The following CREBBP variants were observed in gnomAD, a reference collection of about 807,000 sequenced individuals.
CREBBP encodes the protein CREB-binding protein.
In CREBBP, 19 loss-of-function variants were observed where a neutral mutation model predicts 265.0. The observed-to-expected ratio is 0.07, with a 90% CI of 0.05 to 0.11. The LOEUF is 0.11. Among genes scored for constraint, CREBBP ranks in the 10% least tolerant of loss-of-function variants. The pLI is 1.00. For synonymous variants in CREBBP, 1,457 were observed against 1,223.7 expected (o/e 1.19, Z -3.98); for missense variants, 2,525 against 3,219.0 (o/e 0.78, Z 5.22).
chr16:3,785,328 C>T (rs1316533865), intron 5 of CREBBP, among the ~76,000 whole-genome samples: 1 of 152,234 alleles, frequency 6.6e-6, no homozygotes, highest in Non-Finnish European at 1.5e-5. Context: ...TCAGTGAGTA[C>T]ACTCTGCCAG....
chr16:3,808,207 T>C (rs1319623571), intron 3 of CREBBP, among the ~76,000 whole-genome samples: 1 of 152,060 alleles, frequency 6.6e-6, no homozygotes, highest in Non-Finnish European at 1.5e-5. Flanking sequence ...GAAGTGGTTC[T>C]ACTTTTGTCA....
At chr16:3,740,333 G>C (rs780222520) in intron 24 of CREBBP, 66 bp downstream of exon 24, 6 of 1,592,884 alleles carry the variant, frequency 3.8e-6, no homozygotes, top group Admixed American at 1.7e-5. Context: ...GCTTTGCAGA[G>C]AGCAGGCTCT....
In CREBBP at chr16:3,849,440, T is replaced by TGTGTGTGTGTG. The variant is rs2054762093; in HGVS notation, c.798+846_798+856dup. Reference sequence around the variant, plus strand: ...GTGTGTGTGTGTGTGTGTGTGTGTGTGTGTGTGTGTGTGTGTGTGTGTGTG... The same window carrying TGTGTGTGTGTG: ...GTGTGTGTGTGTGTGTGTGTGTGTGTGTGTGTGTGTGGTGTGTGTGTGTGTGTGTGTGTGTG... On this transcript the variant is annotated intron_variant, in intron 2 of 30. Coordinates refer to ENST00000262367, the MANE Select transcript of CREBBP (RefSeq NM_004380.3). Among the ~76,000 whole-genome samples, 42 of 14,886 alleles carry TGTGTGTGTGTG rather than the reference T, an allele frequency of 2.8e-3. 2 individuals carry two copies. Among genetic ancestry groups the TGTGTGTGTGTG allele is most frequent in the East Asian group, 0.014 (2 of 146 alleles). 9.8% of individuals were successfully genotyped at this position (14,886 alleles called of 152,430 possible).
intron 5 of CREBBP, among the ~76,000 whole-genome samples, chr16:3,789,493 G>A (rs921712334): frequency 2.0e-5 from 3 of 151,994 alleles, no homozygotes; most frequent in South Asian, 2.1e-4. Context: ...TCTCTACCTC[G>A]GTCCTTTGAG....
intron 1 of CREBBP, among the ~76,000 whole-genome samples, chr16:3,865,838 A>G (rs1416441620): frequency 6.6e-6 from 1 of 152,114 alleles, no homozygotes; most frequent in Admixed American, 6.5e-5. Context: ...GGGTTTCACC[A>G]TGTTGGCCAG....
intron 19 of CREBBP, among the ~76,000 whole-genome samples, chr16:3,753,159 A>AC: frequency 6.6e-6 from 1 of 152,330 alleles, no homozygotes; most frequent in African/African-American, 2.4e-5. Flanking sequence ...CCAAGTGCAG[A>AC]ATGGGACGCG....
chr16:3,871,660 C>A (rs1436490921), intron 1 of CREBBP, among the ~76,000 whole-genome samples: 2 of 152,054 alleles, frequency 1.3e-5, no homozygotes, highest in Non-Finnish European at 2.9e-5. Flanking sequence ...TTATTTTAAC[C>A]ATAAAGTTAA....
intron 1 of CREBBP, among the ~76,000 whole-genome samples, chr16:3,878,001 T>C (rs1164287504): frequency 2.0e-5 from 3 of 152,266 alleles, no homozygotes; most frequent in African/African-American, 7.2e-5. Flanking sequence ...TGGACACTAC[T>C]ATGGAAAAAG....
chr16:3,797,635 C>A (rs1596957514), intron 3 of CREBBP, among the ~76,000 whole-genome samples: 2 of 152,212 alleles, frequency 1.3e-5, no homozygotes, highest in South Asian at 4.2e-4. Flanking sequence ...TATTGTACTG[C>A]ACTCACTTAT....
intron 2 of CREBBP, among the ~76,000 whole-genome samples, chr16:3,844,267 A>C (rs539998997): frequency 1.3e-5 from 2 of 152,282 alleles, no homozygotes; most frequent in East Asian, 3.9e-4. Context: ...ATCACTGATA[A>C]ATGAGAAACA....
At chr16:3,869,772 G>C (rs2055255896) in intron 1 of CREBBP, among the ~76,000 whole-genome samples, 1 of 152,122 alleles carries the variant, frequency 6.6e-6, no homozygotes, top group Non-Finnish European at 1.5e-5. Context: ...GAGAACACAG[G>C]CATCCCCAAA....
At chr16:3,775,971 C>T (rs1255027893) in intron 11 of CREBBP, among the ~76,000 whole-genome samples, 1 of 151,642 alleles carries the variant, frequency 6.6e-6, no homozygotes, top group African/African-American at 2.4e-5. Flanking sequence ...GGCTGGAGTG[C>T]AGTGGTGTGA....
Position 3,769,961 on chromosome 16 carries a change from C to T in CREBBP, c.2881-608G>A, listed in dbSNP as rs891514332. On this transcript the variant is annotated intron_variant, in intron 14 of 30. Coordinates refer to ENST00000262367, the MANE Select transcript of CREBBP (RefSeq NM_004380.3). ...TCTCGGCTCGATACAATTTCTGCCT[C>T]CCAGGCTCAAGCGATTCTCCCGCCT... is the stretch of plus-strand genomic sequence containing the variant. Among the ~76,000 whole-genome samples the T allele has an allele frequency of 1.2e-4, 19 of 152,176 alleles. No individual in the cohort carries two copies. In the East Asian group the frequency reaches 3.7e-3, roughly 29 times the overall value.
intron 2 of CREBBP, among the ~76,000 whole-genome samples, chr16:3,822,065 A>C (rs1347408008): frequency 2.0e-5 from 3 of 152,200 alleles, no homozygotes; most frequent in Admixed American, 2.0e-4. Flanking sequence ...ACACACACAC[A>C]AAAGAGTGAA....
At chr16:3,866,411 C>T (rs2055179599) in intron 1 of CREBBP, among the ~76,000 whole-genome samples, 1 of 152,166 alleles carries the variant, frequency 6.6e-6, no homozygotes, top group Admixed American at 6.5e-5. Flanking sequence ...TTTCCTATCT[C>T]TGGATGGCGC....
chr16:3,808,390 C>T (rs980946874), intron 3 of CREBBP, among the ~76,000 whole-genome samples: 2 of 152,218 alleles, frequency 1.3e-5, no homozygotes, highest in African/African-American at 4.8e-5. Context: ...AGGCTGTAAG[C>T]ACCCAGTGGG....
chr16:3,860,968 C>G (rs763811560), intron 1 of CREBBP, among the ~76,000 whole-genome samples: 2 of 152,114 alleles, frequency 1.3e-5, no homozygotes, highest in African/African-American at 4.8e-5. Flanking sequence ...GTGTACCCCT[C>G]CTTAGCTCTA....
chr16:3,815,973 A>T (rs2141365295), intron 2 of CREBBP, among the ~76,000 whole-genome samples: 1 of 152,292 alleles, frequency 6.6e-6, no homozygotes, highest in South Asian at 2.1e-4. Flanking sequence ...CTGTTCAGTT[A>T]ATAGTAAAAT....
chr16:3,766,475 A>G (rs1217676976), intron 16 of CREBBP, among the ~76,000 whole-genome samples: 3 of 152,070 alleles, frequency 2.0e-5, no homozygotes, highest in Admixed American at 2.0e-4. Flanking sequence ...AATGTTTTCT[A>G]TGGGTGCCAT....
Sources: allele counts gnomAD v4.1 joint callset (sites outside exome capture counted in the v4.1 genomes callset), GRCh38; gene constraint gnomAD v4.1.1; transcripts MANE v1.5; gene names NCBI Gene and HGNC (gene_info 2026-07-23, HGNC 2026-07-21).